Variants in STK3 observed in about 807,000 individuals in gnomAD.
STK3 encodes serine/threonine kinase 3.
In STK3, 41 loss-of-function variants were observed where a neutral mutation model predicts 58.0. That is an observed-to-expected ratio of 0.71 (90% confidence interval 0.55 to 0.92). The LOEUF is 0.92. Ranked by LOEUF, STK3 falls within the 40% of genes least tolerant of loss-of-function variation. The pLI is 0.00. For synonymous variants in STK3, 170 were observed against 191.0 expected, an observed-to-expected ratio of 0.89 and a Z score of 0.91; for missense variants, 479 against 602.7, an observed-to-expected ratio of 0.79 and a Z score of 2.15.
intron 1 of STK3, among the ~76,000 whole-genome samples, chr8:98,383,059 C>T (rs1207184907): frequency 6.6e-6 from 1 of 152,216 alleles, no homozygotes; most frequent in Non-Finnish European, 1.5e-5. Context: ...GCCCATTCTG[C>T]CTTGGCTCAC....
intron 10 of STK3, among the ~76,000 whole-genome samples, chr8:98,509,911 T>C (rs1236614221): frequency 6.6e-6 from 1 of 152,084 alleles, no homozygotes. Flanking sequence ...CTAATGCTTA[T>C]TGACATTTAT....
At chr8:98,399,174 A>C (rs1416475443), downstream of STK3, among the ~76,000 whole-genome samples, 1 of 152,238 alleles carries the variant, frequency 6.6e-6, no homozygotes, top group African/African-American at 2.4e-5. Context: ...ACCCCCACCC[A>C]GAGTAAATAA....
intron 1 of STK3, among the ~76,000 whole-genome samples, chr8:98,821,328 T>A (rs1201056874): frequency 6.6e-6 from 1 of 152,082 alleles, no homozygotes. Flanking sequence ...CCTGAAACCA[T>A]TTCGCCCCCA....
chr8:98,635,655 G>C (rs1041660492), intron 6 of STK3, among the ~76,000 whole-genome samples: 41 of 152,158 alleles, frequency 2.7e-4, no homozygotes, highest in African/African-American at 9.6e-4. Flanking sequence ...TGAGTTTACT[G>C]ATCAGAAACT....
intron 1 of STK3, among the ~76,000 whole-genome samples, chr8:98,776,816 C>G (rs1831711145): frequency 6.6e-6 from 1 of 151,730 alleles, no homozygotes; most frequent in South Asian, 2.1e-4. Context: ...CTTTGGAAGG[C>G]CGAGGCGGTG....
In STK3 at chr8:98,927,236, A is replaced by G. The variant is rs559866678; in HGVS notation, c.-79+15142T>C. 3.9e-5 allele frequency among the ~76,000 whole-genome samples: 6 copies of G among 152,304 alleles called. No homozygotes were observed. In the South Asian group the frequency reaches 1.2e-3, roughly 32 times the overall value. On this transcript the variant is annotated intron_variant, in intron 1 of 1. Coordinates refer to the STK3 transcript ENST00000519420. ...CATACTGGAGGGCAGAGCTGAGGCT[A>G]CCTGTCTTGTTCAGGGTTGGACCAT...
intron 6 of STK3, among the ~76,000 whole-genome samples, chr8:98,700,926 C>A (rs1825545279): frequency 6.6e-6 from 1 of 152,146 alleles, no homozygotes; most frequent in Non-Finnish European, 1.5e-5. Context: ...TTGCTTGACC[C>A]AGGGAGGCGA....
At chr8:98,407,760 G>GCA (rs1363581042) in intron 3 of STK3, among the ~76,000 whole-genome samples, 4 of 105,738 alleles carry the variant, frequency 3.8e-5, no homozygotes, top group East Asian at 4.5e-4. Flanking sequence ...GTGTGTGTGC[G>GCA]CGCGCGCGCG....
intron 3 of STK3, among the ~76,000 whole-genome samples, chr8:98,760,758 T>C (rs1830567863): frequency 6.6e-6 from 1 of 151,550 alleles, no homozygotes; most frequent in Admixed American, 6.6e-5. Flanking sequence ...TCTCATCTCA[T>C]ACCTAATGAT....
At chr8:98,549,924 C>T (rs1342506502) in intron 8 of STK3, among the ~76,000 whole-genome samples, 1 of 152,058 alleles carries the variant, frequency 6.6e-6, no homozygotes, top group Non-Finnish European at 1.5e-5. Flanking sequence ...GGAAGACTGC[C>T]TGAGCTCAAG....
intron 3 of STK3, among the ~76,000 whole-genome samples, chr8:98,840,495 C>T (rs1835929318): frequency 6.9e-6 from 1 of 144,754 alleles, no homozygotes; most frequent in Non-Finnish European, 1.5e-5. Context: ...TCTCTTGAGC[C>T]CTGGAGGTGG....
At chr8:98,596,237 T>C in intron 6 of STK3, 68 bp from the exon 7 acceptor site, 1 of 1,482,910 alleles carries the variant, frequency 6.7e-7, no homozygotes, top group Non-Finnish European at 9.1e-7. Flanking sequence ...ACAAATCTCT[T>C]TATCTGTCTT....
At chr8:98,359,710 G>C in the STK3 span, among the ~76,000 whole-genome samples, 1 of 152,044 alleles carries the variant, frequency 6.6e-6, no homozygotes. Flanking sequence ...TTTCTAATCT[G>C]ATCTGCTTAG....
chr8:98,700,147 G>C (rs1007971901), intron 6 of STK3, among the ~76,000 whole-genome samples: 1 of 152,166 alleles, frequency 6.6e-6, no homozygotes, highest in South Asian at 2.1e-4. Flanking sequence ...GCGAGACTCC[G>C]TGGGCGTAGG....
chr8:98,582,958 A>AT (rs1317337317), intron 7 of STK3, among the ~76,000 whole-genome samples: 5 of 152,142 alleles, frequency 3.3e-5, no homozygotes, highest in Admixed American at 1.3e-4. Context: ...ATATTAATAT[A>AT]TCAAGTTTAT....
chr8:98,867,171 C>G (rs895473777), intron 3 of STK3, among the ~76,000 whole-genome samples: 1 of 152,132 alleles, frequency 6.6e-6, no homozygotes, highest in African/African-American at 2.4e-5. Context: ...AATCCTAGCA[C>G]GTTGGGAGGC....
intron 3 of STK3, among the ~76,000 whole-genome samples, chr8:98,416,055 G>T (rs747120527): frequency 7.2e-5 from 11 of 152,176 alleles, no homozygotes; most frequent in Admixed American, 3.3e-4. Flanking sequence ...TACTTCCACA[G>T]CAGAGGGAGA....
intron 7 of STK3, 92 bp downstream of exon 7, chr8:98,595,940 A>G: frequency 1.4e-6 from 2 of 1,407,034 alleles, no homozygotes; most frequent in Non-Finnish European, 1.9e-6. Flanking sequence ...ATCTTTAGAA[A>G]TCAGTTATGA....
intron 1 of STK3, among the ~76,000 whole-genome samples, chr8:98,380,297 C>T (rs1586542770): frequency 6.6e-6 from 1 of 151,984 alleles, no homozygotes; most frequent in South Asian, 2.1e-4. Flanking sequence ...GTGTTCTTAC[C>T]ACAATAAAAT....
Sources: gnomAD v4.1 joint callset for allele counts (sites outside exome capture counted in the v4.1 genomes callset) on GRCh38, gnomAD v4.1.1 for gene constraint, MANE v1.5 for transcripts, NCBI Gene and HGNC (gene_info 2026-07-23, HGNC 2026-07-21) for gene names.